The following RERE variants were observed in gnomAD, a reference collection of about 807,000 sequenced individuals.
The protein encoded by RERE is arginine-glutamic acid dipeptide repeats, also known as arginine-glutamic acid dipeptide repeats protein.
RERE carries 40 observed loss-of-function variants against 146.1 expected under a neutral mutation model. The observed-to-expected ratio is 0.27, with a 90% CI of 0.21 to 0.36. The LOEUF (loss-of-function observed/expected upper bound fraction) is 0.36. RERE is among the 10% of genes least tolerant of loss of function. RERE has a pLI of 1.00. For missense variants in RERE, 1,933 were observed against 2,138.7 expected, an observed-to-expected ratio of 0.90 and a Z score of 1.90; for synonymous variants, 1,003 against 866.0, an observed-to-expected ratio of 1.16 and a Z score of -2.78.
At chr1:8,555,400 G>A (rs987398976) in intron 6 of RERE, among the ~76,000 whole-genome samples, 1 of 152,126 alleles carries the variant, frequency 6.6e-6, no homozygotes, top group Non-Finnish European at 1.5e-5. Context: ...CAGCTGACCC[G>A]AAAAGCTTGC....
At chr1:8,681,042 G>A (rs936131501) in intron 1 of RERE, among the ~76,000 whole-genome samples, 5 of 152,288 alleles carry the variant, frequency 3.3e-5, no homozygotes, top group Admixed American at 2.6e-4. Flanking sequence ...GAGTCAGAAA[G>A]CATGTAAAAC....
intron 8 of RERE, among the ~76,000 whole-genome samples, chr1:8,503,393 A>T (rs1180303786): frequency 6.6e-6 from 1 of 152,228 alleles, no homozygotes; most frequent in East Asian, 1.9e-4. Context: ...GCCCCAAGAT[A>T]CACTGGCAAA....
rs145824417 is a variant in RERE, at chr1:8,406,489, G to T, written c.1284+16238C>A. Reference sequence around the variant, plus strand: ...TACTCTCAAATGGTTCATGTGGGGGGAAAACCACACACGCACACACACAAA... The same window carrying T: ...TACTCTCAAATGGTTCATGTGGGGGTAAAACCACACACGCACACACACAAA... On this transcript the variant is annotated intron_variant, in intron 12 of 22. Coordinates refer to ENST00000400908, the MANE Select transcript of RERE (RefSeq NM_001042681.2). Among the ~76,000 whole-genome samples, 624 of 152,214 alleles carry T rather than the reference G, an allele frequency of 4.1e-3. 4 individuals are homozygous for T. Among genetic ancestry groups the T allele is most frequent in the African/African-American group, 0.014 (594 of 41,530 alleles).
intron 8 of RERE, among the ~76,000 whole-genome samples, chr1:8,503,140 A>G (rs1031278111): frequency 3.3e-5 from 5 of 152,076 alleles, no homozygotes; most frequent in Non-Finnish European, 7.4e-5. Flanking sequence ...AAAAGAATTG[A>G]TGAGTCAACC....
chr1:8,428,479 T>C (rs1570219136), intron 11 of RERE: 1 of 152,260 alleles, frequency 6.6e-6, no homozygotes, highest in East Asian at 1.9e-4. Context: ...CTCTAATTTT[T>C]AGATAAACTG....
Position 8,638,783 on chromosome 1 carries a change from A to ATTTTTTTTTTTT in RERE, c.326-14415_326-14404dup, listed in dbSNP as rs34276909. Among the ~76,000 whole-genome samples, 36 of 100,340 alleles carry ATTTTTTTTTTTT rather than the reference A, an allele frequency of 3.6e-4. 1 individual carries two copies. The highest frequency in any genetic ancestry group is 1.5e-3 in the African/African-American group (36 of 23,864). 65.8% of individuals were successfully genotyped at this position (100,340 alleles called of 152,430 possible). ...GAAGGAAACTCATAGACGAAAAAAA[A>ATTTTTTTTTTTT]TTTTTTTTTTTTTTTTTTTTTTTTT... On this transcript the variant is annotated intron_variant, in intron 2 of 22. Transcript: ENST00000400908.
chr1:8,360,183 A>G lies in RERE; in HGVS notation c.3324T>C (p.Pro1108=). 6.3e-7 allele frequency: 1 copy of G among 1,596,502 alleles called. No individual in the cohort carries two copies. The highest frequency in any genetic ancestry group is 2.3e-5 in the East Asian group (1 of 44,370). ...LDDAEEPESP[P]PPPRSPSPEP... is the part of the protein sequence containing the mutation. ...CCGGGGACGGGCTCCTTGGTGGGGG[A>G]GGGGGGCTCTCAGGCTCCTCAGCGT... Residue 1108 remains proline, a synonymous_variant, in exon 18 of 23, where the codon CCT becomes CCC. Transcript: ENST00000400908.
chr1:8,432,529 C>G (rs1433363884), intron 11 of RERE, among the ~76,000 whole-genome samples: 1 of 152,210 alleles, frequency 6.6e-6, no homozygotes, highest in Non-Finnish European at 1.5e-5. Flanking sequence ...CCGCTCTGCT[C>G]TCTCTCCCTT....
At position 8,477,926 on chromosome 1, in the gene RERE, C is replaced by T. The variant is rs375322140; in HGVS notation, c.1105-11903G>A. 2.4e-3 allele frequency among the ~76,000 whole-genome samples: 366 copies of T among 152,324 alleles called. 2 individuals carry two copies. The highest frequency in any genetic ancestry group is 8.4e-3 in the African/African-American group (349 of 41,574). The stretch of plus-strand genomic sequence containing the variant: ...CTCCAGAGTTGGGAAAATATACAAG[C>T]GACTGTACTTTCTAAAAACTTCAGC... On this transcript the variant is annotated intron_variant, in intron 10 of 22. Transcript: ENST00000400908.
chr1:8,519,008 C>A (rs1645456351), intron 7 of RERE, among the ~76,000 whole-genome samples: 1 of 152,200 alleles, frequency 6.6e-6, no homozygotes, highest in Admixed American at 6.5e-5. Flanking sequence ...GACACTGTCA[C>A]ACCCACACCT....
At chr1:8,798,732 C>T (rs541712644) in intron 1 of RERE, 18 of 152,014 alleles carry the variant, frequency 1.2e-4, no homozygotes, top group Admixed American at 5.9e-4. Flanking sequence ...TGCTCTGTCA[C>T]CCAGGCTGGA....
At chr1:8,442,891 G>A (rs561577220) in intron 11 of RERE, among the ~76,000 whole-genome samples, 10 of 152,312 alleles carry the variant, frequency 6.6e-5, no homozygotes, top group African/African-American at 1.9e-4. Flanking sequence ...TTGGGCACTG[G>A]AGCAAAAGTC....
At chr1:8,481,414 C>T (rs531559786) in intron 10 of RERE, among the ~76,000 whole-genome samples, 60 of 152,074 alleles carry the variant, frequency 3.9e-4, no homozygotes, top group South Asian at 8.3e-4. Context: ...GCACCCGGCC[C>T]GATTAACCAG....
chr1:8,795,230 T>C (rs1641445219), intron 1 of RERE, among the ~76,000 whole-genome samples: 1 of 152,058 alleles, frequency 6.6e-6, no homozygotes, highest in African/African-American at 2.4e-5. Context: ...TTCATCATGT[T>C]GGCCAGGCTG....
intron 1 of RERE, chr1:8,799,257 G>C (rs2124587535): frequency 6.6e-6 from 1 of 152,528 alleles, no homozygotes; most frequent in South Asian, 2.1e-4. Flanking sequence ...GCCTCCCAAA[G>C]TGCTGGGATT....
At chr1:8,525,719 C>A in intron 7 of RERE, 1 of 1,566,916 alleles carries the variant, frequency 6.4e-7, no homozygotes, top group Non-Finnish European at 8.6e-7. Context: ...AGCAGCAAAA[C>A]CCATCACTGT....
chr1:8,488,086 C>A (rs376887840), intron 10 of RERE, among the ~76,000 whole-genome samples: 1,214 of 125,382 alleles, frequency 9.7e-3, no homozygotes, highest in Middle Eastern at 0.017. Flanking sequence ...TTTTTTTAAT[C>A]AAAAAAAAAA....
chr1:8,463,091 A>G (rs907609336), intron 11 of RERE, among the ~76,000 whole-genome samples: 1 of 152,218 alleles, frequency 6.6e-6, no homozygotes, highest in African/African-American at 2.4e-5. Flanking sequence ...AGCCAAAGCC[A>G]GGCGAGGGTA....
chr1:8,492,305 A>T (rs1372971554), intron 10 of RERE, among the ~76,000 whole-genome samples: 2 of 152,214 alleles, frequency 1.3e-5, no homozygotes, highest in Non-Finnish European at 2.9e-5. Flanking sequence ...GGTCTACAGA[A>T]TTCTTAAGAG....
Sources: allele counts gnomAD v4.1 joint callset (sites outside exome capture counted in the v4.1 genomes callset), GRCh38; gene constraint gnomAD v4.1.1; transcripts MANE v1.5; gene names NCBI Gene and HGNC (gene_info 2026-07-23, HGNC 2026-07-21).